Variants in AGBL1 observed in about 807,000 individuals in gnomAD.
AGBL1 encodes cytosolic carboxypeptidase 4.
Under a neutral mutation model 118.9 loss-of-function variants are expected in AGBL1, and 130 were observed. That is an observed-to-expected ratio of 1.09 (90% CI 0.95 to 1.26). The LOEUF is 1.26. AGBL1 is among the 50% of genes most tolerant of loss of function. The pLI, the probability that AGBL1 is intolerant of heterozygous loss-of-function variation, is 0.00. For missense variants in AGBL1, 1,584 were observed against 1,298.1 expected, an observed-to-expected ratio of 1.22 and a Z score of -3.38; for synonymous variants, 555 against 478.9, an observed-to-expected ratio of 1.16 and a Z score of -2.08.
chr15:86,344,429 C>T (rs1351153576), intron 17 of AGBL1, among the ~76,000 whole-genome samples: 1 of 152,110 alleles, frequency 6.6e-6, no homozygotes, highest in Non-Finnish European at 1.5e-5. Flanking sequence ...GACACCATTC[C>T]CATCAACATC....
intron 23 of AGBL1, among the ~76,000 whole-genome samples, chr15:86,954,802 C>A (rs1475839407): frequency 7.2e-5 from 11 of 152,136 alleles, no homozygotes; most frequent in African/African-American, 2.7e-4. Flanking sequence ...CTAACATAAA[C>A]ACTGAAATTT....
At chr15:86,569,741 G>A (rs764604123) in intron 21 of AGBL1, among the ~76,000 whole-genome samples, 1 of 152,188 alleles carries the variant, frequency 6.6e-6, no homozygotes, top group Non-Finnish European at 1.5e-5. Context: ...ATGCTAATAA[G>A]GTTGCCAGCA....
intron 18 of AGBL1, among the ~76,000 whole-genome samples, chr15:86,402,543 A>G (rs933947613): frequency 5.3e-5 from 8 of 152,158 alleles, no homozygotes; most frequent in African/African-American, 1.2e-4. Flanking sequence ...GGTGAAAGAA[A>G]TGTCCTGTGT....
Position 86,168,311 on chromosome 15 carries a change from A to G in AGBL1, c.488+9285A>G, listed in dbSNP as rs58364468. ...CTGAGAGGGCAGCTTTTGATTTGAAATAGGGAAGGAATTTCTGGATGTTAA... is the reference window on the plus strand; with the variant it reads ...CTGAGAGGGCAGCTTTTGATTTGAAGTAGGGAAGGAATTTCTGGATGTTAA... On this transcript the variant is annotated intron_variant, in intron 5 of 22. Coordinates refer to ENST00000614907, the MANE Select transcript of AGBL1 (RefSeq NM_001386094.1). 7.3e-3 allele frequency among the ~76,000 whole-genome samples: 1,112 copies of G among 152,336 alleles called. 15 individuals are homozygous for G. The highest frequency in any genetic ancestry group is 0.026 in the African/African-American group (1,063 of 41,566).
chr15:86,334,306 AG>A lies in AGBL1; in HGVS notation c.2374+38900del, dbSNP rs372683816. Among the ~76,000 whole-genome samples, 79 of 152,342 alleles carry A rather than the reference AG, an allele frequency of 5.2e-4. 1 individual carries two copies. In the South Asian group the frequency reaches 0.014, roughly 28 times the overall value. On this transcript the variant is annotated intron_variant, in intron 17 of 22. Transcript: ENST00000614907. ...ACCACAAGGCTCCTAGAACTGATAA[AG>A]GACTTCAGTAAAGTTTCAGGATACA...
intron 22 of AGBL1, among the ~76,000 whole-genome samples, chr15:86,796,582 C>T (rs982460593): frequency 3.9e-5 from 6 of 152,232 alleles, no homozygotes; most frequent in African/African-American, 2.4e-5. Flanking sequence ...CATTCTTGCT[C>T]ATACCAGTTA....
intron 19 of AGBL1, among the ~76,000 whole-genome samples, chr15:86,536,545 A>G (rs1438841874): frequency 1.3e-5 from 2 of 152,092 alleles, no homozygotes; most frequent in Non-Finnish European, 2.9e-5. Context: ...TCTTGACCTC[A>G]TGATCTGCCC....
chr15:86,522,745 G>A (rs2142200827), intron 18 of AGBL1, 65 bp from the exon 19 acceptor site: 2 of 1,556,942 alleles, frequency 1.3e-6, no homozygotes, highest in South Asian at 2.3e-5. Flanking sequence ...ATCTTGTGGA[G>A]CTTTATTTTC....
At chr15:86,496,565 C>T (rs146800934) in intron 18 of AGBL1, among the ~76,000 whole-genome samples, 5 of 151,956 alleles carry the variant, frequency 3.3e-5, no homozygotes, top group Non-Finnish European at 7.4e-5. Flanking sequence ...TTTTCCATCT[C>T]ATTTTGTGCT....
intron 22 of AGBL1, among the ~76,000 whole-genome samples, chr15:86,899,856 C>A (rs1284036987): frequency 1.3e-5 from 2 of 152,010 alleles, no homozygotes; most frequent in African/African-American, 2.4e-5. Flanking sequence ...TGTGTCTGTG[C>A]GGGTGTTGCC....
intron 22 of AGBL1, among the ~76,000 whole-genome samples, chr15:86,745,384 A>G (rs2077740851): frequency 6.6e-6 from 1 of 152,054 alleles, no homozygotes; most frequent in African/African-American, 2.4e-5. Context: ...GAAACATTAT[A>G]TTGAGGGCCG....
chr15:86,183,928 G>A (rs1432166128), intron 5 of AGBL1, among the ~76,000 whole-genome samples: 1 of 152,154 alleles, frequency 6.6e-6, no homozygotes, highest in African/African-American at 2.4e-5. Flanking sequence ...AGAAACATGA[G>A]TCAGATCCAG....
chr15:86,358,776 C>T (rs536377991), intron 17 of AGBL1, among the ~76,000 whole-genome samples: 23 of 151,968 alleles, frequency 1.5e-4, no homozygotes, highest in African/African-American at 3.9e-4. Context: ...TGATTATTGA[C>T]GCTGAGCATC....
chr15:86,578,069 C>T (rs1168415220), intron 21 of AGBL1, among the ~76,000 whole-genome samples: 5 of 152,278 alleles, frequency 3.3e-5, no homozygotes, highest in East Asian at 1.9e-4. Context: ...GATCCACTGA[C>T]AGCTTGCACC....
At chr15:86,599,654 G>A (rs2084464565) in intron 21 of AGBL1, among the ~76,000 whole-genome samples, 1 of 151,922 alleles carries the variant, frequency 6.6e-6, no homozygotes, top group Non-Finnish European at 1.5e-5. Context: ...TTCCACAATG[G>A]CCCAGTAAGC....
At chr15:86,916,722 TC>T (rs2080429212), downstream of AGBL1, among the ~76,000 whole-genome samples, 1 of 152,170 alleles carries the variant, frequency 6.6e-6, no homozygotes, top group Non-Finnish European at 1.5e-5. Flanking sequence ...TAACCTCACT[TC>T]TATTTCTAAT....
intron 22 of AGBL1, among the ~76,000 whole-genome samples, chr15:86,897,103 G>T (rs4887518): frequency 0.18 from 27,375 of 152,168 alleles, 3,144 homozygotes; most frequent in African/African-American, 0.34. Context: ...TAGGGACACT[G>T]ACTCCACAGT....
At chr15:86,132,171 A>G (rs2076829014) in intron 1 of AGBL1, among the ~76,000 whole-genome samples, 1 of 152,146 alleles carries the variant, frequency 6.6e-6, no homozygotes, top group Admixed American at 6.5e-5. Context: ...GCAGGGTCGA[A>G]TCATTCCTGC....
At chr15:86,482,116 T>G (rs1348226529) in intron 18 of AGBL1, among the ~76,000 whole-genome samples, 1 of 152,178 alleles carries the variant, frequency 6.6e-6, no homozygotes, top group Non-Finnish European at 1.5e-5. Context: ...ATAACTGTGA[T>G]GAGTTAACCT....
Sources: allele counts gnomAD v4.1 joint callset (sites outside exome capture counted in the v4.1 genomes callset), GRCh38; gene constraint gnomAD v4.1.1; transcripts MANE v1.5; gene names NCBI Gene and HGNC (gene_info 2026-07-23, HGNC 2026-07-21).